CNTNAP4: variants seen among roughly 807,000 people sequenced by gnomAD.
CNTNAP4 encodes the protein contactin-associated protein-like 4.
Under a neutral mutation model 148.4 loss-of-function variants are expected in CNTNAP4, and 98 were observed. The ratio of observed to expected loss-of-function variants is 0.66; its 90% CI spans 0.56 to 0.78. CNTNAP4 has a LOEUF of 0.78. Among genes scored for constraint, CNTNAP4 ranks in the 30% least tolerant of loss-of-function variants. The pLI, the probability that CNTNAP4 is intolerant of heterozygous loss-of-function variation, is 0.00. For missense variants in CNTNAP4, 1,935 were observed against 1,565.6 expected, an observed-to-expected ratio of 1.24 and a Z score of -3.98; for synonymous variants, 730 against 565.1, an observed-to-expected ratio of 1.29 and a Z score of -4.14.
Position 76,559,916 on chromosome 16 carries a change from C to T in CNTNAP4, c.*1233C>T, listed in dbSNP as rs1166381473. On this transcript the variant is annotated 3_prime_UTR_variant, in exon 24 of 24. Coordinates refer to ENST00000611870, the MANE Select transcript of CNTNAP4 (RefSeq NM_033401.5). Reference sequence around the variant, plus strand: ...GGGAGATAGCATATTAAATGATCTACTGTGAATTTGTCATTCCAGACACTT... The same window carrying T: ...GGGAGATAGCATATTAAATGATCTATTGTGAATTTGTCATTCCAGACACTT... Among the ~76,000 whole-genome samples, 2 of 152,128 alleles carry T rather than the reference C, an allele frequency of 1.3e-5. No individual in the cohort carries two copies. The highest frequency in any genetic ancestry group is 2.9e-5 in the Non-Finnish European group (2 of 68,024).
intron 3 of CNTNAP4, among the ~76,000 whole-genome samples, chr16:76,381,293 G>A (rs1198985893): frequency 1.3e-5 from 2 of 152,152 alleles, no homozygotes; most frequent in African/African-American, 4.8e-5. Flanking sequence ...TCTTTGGAGT[G>A]AGTCCCGAAA....
At chr16:76,473,570 G>T (rs989558216) in intron 10 of CNTNAP4, among the ~76,000 whole-genome samples, 1 of 151,972 alleles carries the variant, frequency 6.6e-6, no homozygotes, top group South Asian at 2.1e-4. Flanking sequence ...TCAGGAGATC[G>T]AGACCATCCT....
intron 17 of CNTNAP4, among the ~76,000 whole-genome samples, chr16:76,525,710 TA>T (rs2083699009): frequency 7.2e-6 from 1 of 139,350 alleles, no homozygotes; most frequent in East Asian, 2.1e-4. Flanking sequence ...ATATATAAAC[TA>T]TTATATACAA....
chr16:76,403,173 A>G (rs1209779775), intron 3 of CNTNAP4, among the ~76,000 whole-genome samples: 3 of 151,806 alleles, frequency 2.0e-5, no homozygotes, highest in Admixed American at 6.6e-5. Flanking sequence ...ACTCACTGCA[A>G]GCTCCACCTT....
At chr16:76,396,336 G>T (rs1025753993) in intron 3 of CNTNAP4, among the ~76,000 whole-genome samples, 1 of 152,146 alleles carries the variant, frequency 6.6e-6, no homozygotes, top group Non-Finnish European at 1.5e-5. Flanking sequence ...CACACCTATA[G>T]GCACACTAAG....
intron 21 of CNTNAP4, among the ~76,000 whole-genome samples, chr16:76,546,484 A>G (rs543775335): frequency 4.6e-5 from 7 of 152,286 alleles, no homozygotes; most frequent in African/African-American, 1.7e-4. Context: ...TTGTGTGCTC[A>G]TTATGAGAAT....
At chr16:76,530,345 C>T (rs149799561) in intron 17 of CNTNAP4, among the ~76,000 whole-genome samples, 17 of 152,204 alleles carry the variant, frequency 1.1e-4, no homozygotes, top group South Asian at 4.1e-4. Context: ...ATCTTAATTA[C>T]GCACTTCTCC....
rs879295473 is a variant in CNTNAP4 at position 76,374,757 on chromosome 16, T to TTAG, written c.390+19248_390+19249insGTA. Among the ~76,000 whole-genome samples, 863 of 146,426 alleles carry TTAG rather than the reference T, an allele frequency of 5.9e-3. 3 individuals are homozygous for TTAG. The highest frequency in any genetic ancestry group is 7.7e-3 in the Non-Finnish European group (516 of 66,772). On this transcript the variant is annotated intron_variant, in intron 3 of 23. Coordinates refer to ENST00000611870, the MANE Select transcript of CNTNAP4 (RefSeq NM_033401.5). ...GACTATGACACTATTATTATTATTA[T>TTAG]TATTATTATTATTATTATTATTATT...
chr16:76,337,381 C>T (rs973614469), intron 2 of CNTNAP4, among the ~76,000 whole-genome samples: 2 of 152,100 alleles, frequency 1.3e-5, no homozygotes, highest in African/African-American at 4.8e-5. Flanking sequence ...ACAGCTGGAC[C>T]TCCAGGGGTG....
Position 76,553,290 on chromosome 16 carries a change from T to G in CNTNAP4, c.3450T>G (p.Ser1150Arg). Residue 1150 changes from serine to arginine, a missense_variant, in exon 22 of 24, where the codon AGT (serine) becomes AGG (arginine). Transcript: ENST00000611870. Reference protein sequence around the residue: ...SLVLGRILEHSDVDQDTALAG... With the variant: ...SLVLGRILEHRDVDQDTALAG... ...GTTTCTTTGAATTTCTAGAACACAG[T>G]GATGTGGACCAGGATACTGCACTGG... The G allele has an allele frequency of 6.3e-7, 1 of 1,591,150 alleles. No homozygotes were observed. Among genetic ancestry groups the G allele is most frequent in the Non-Finnish European group, 8.6e-7 (1 of 1,161,442 alleles).
At chr16:76,418,854 C>G (rs1480171758) in intron 3 of CNTNAP4, among the ~76,000 whole-genome samples, 1 of 151,832 alleles carries the variant, frequency 6.6e-6, no homozygotes, top group African/African-American at 2.4e-5. Context: ...ATTACTCTGG[C>G]TAAGAAATGG....
Position 76,553,378 on chromosome 16 carries a change from A to T in CNTNAP4, c.3538A>T (p.Lys1180Ter). Residue 1180 changes from lysine (K) to a stop codon, truncating the protein, a stop_gained, in exon 22 of 24, where the codon AAG becomes TAG. Coordinates refer to ENST00000611870, the MANE Select transcript of CNTNAP4 (RefSeq NM_033401.5). LOFTEE classifies it high-confidence loss of function. ...GCAGCTCAGCCACGTGGCCCCTCTGAAGGCAGCTCTGCACCCCAGCCACCC... is the reference window on the plus strand; with the variant it reads ...GCAGCTCAGCCACGTGGCCCCTCTGTAGGCAGCTCTGCACCCCAGCCACCC... ...AVQLSHVAPL[K>*]AALHPSHPDP... 6.2e-7 allele frequency: 1 copy of T among 1,612,848 alleles called. No individual in the cohort carries two copies.
intron 3 of CNTNAP4, among the ~76,000 whole-genome samples, chr16:76,426,119 G>C (rs1040850182): frequency 1.3e-5 from 2 of 152,122 alleles, no homozygotes; most frequent in African/African-American, 2.4e-5. Context: ...AACATTTAGT[G>C]TATGGGGTAC....
intron 4 of CNTNAP4, among the ~76,000 whole-genome samples, chr16:76,429,605 G>T (rs2079541178): frequency 6.6e-6 from 1 of 152,088 alleles, no homozygotes; most frequent in Non-Finnish European, 1.5e-5. Context: ...AGTTTAGTGG[G>T]ACTGTTTATG....
chr16:76,483,911 C>T (rs971349355), intron 12 of CNTNAP4, among the ~76,000 whole-genome samples: 1 of 151,750 alleles, frequency 6.6e-6, no homozygotes, highest in African/African-American at 2.4e-5. Context: ...TGATGAATAT[C>T]GACTATATAT....
Position 76,442,238 on chromosome 16 carries a change from T to G in CNTNAP4, c.539-5774T>G, listed in dbSNP as rs1172197753. Among the ~76,000 whole-genome samples, 15 of 152,244 alleles carry G rather than the reference T, an allele frequency of 9.9e-5. No individual in the cohort carries two copies. In the East Asian group the frequency reaches 2.9e-3, roughly 29 times the overall value. ...GGAAGAGGCCACGAGCCAAGTGGTCTCTAAAAGGTAGAAAAGACAAAGAAA... is the reference window on the plus strand; with the variant it reads ...GGAAGAGGCCACGAGCCAAGTGGTCGCTAAAAGGTAGAAAAGACAAAGAAA... On this transcript the variant is annotated intron_variant, in intron 4 of 23. Coordinates refer to ENST00000611870, the MANE Select transcript of CNTNAP4 (RefSeq NM_033401.5).
intron 3 of CNTNAP4, among the ~76,000 whole-genome samples, chr16:76,372,384 G>A (rs1045291112): frequency 1.3e-5 from 2 of 151,110 alleles, no homozygotes; most frequent in South Asian, 2.1e-4. Context: ...TCCTGACCTC[G>A]TGATCTGCCC....
At chr16:76,372,854 T>C (rs1270470832) in intron 3 of CNTNAP4, among the ~76,000 whole-genome samples, 1 of 152,256 alleles carries the variant, frequency 6.6e-6, no homozygotes, top group Non-Finnish European at 1.5e-5. Flanking sequence ...ATGCATACTA[T>C]GTATATTATC....
chr16:76,398,877 G>C (rs920514554), intron 3 of CNTNAP4, among the ~76,000 whole-genome samples: 4 of 151,922 alleles, frequency 2.6e-5, no homozygotes, highest in Non-Finnish European at 2.9e-5. Flanking sequence ...CTTGTGATAT[G>C]GTTTGGCTGT....
Sources: allele counts gnomAD v4.1 joint callset (sites outside exome capture counted in the v4.1 genomes callset), GRCh38; gene constraint gnomAD v4.1.1; transcripts MANE v1.5; gene names NCBI Gene and HGNC (gene_info 2026-07-23, HGNC 2026-07-21).